Variants in EVI5 observed in about 807,000 individuals in gnomAD.
EVI5 encodes the protein ecotropic viral integration site 5 protein homolog.
In EVI5, 73 loss-of-function variants were observed where a neutral mutation model predicts 112.0. The observed-to-expected ratio is 0.65, with a 90% confidence interval of 0.54 to 0.79. EVI5 has a LOEUF of 0.79. EVI5 is among the 30% of genes least tolerant of loss of function. The probability of loss-of-function intolerance (pLI) is 0.00; values close to 1 mark genes in which losing one functional copy is unlikely to be tolerated. For missense variants in EVI5, 900 were observed against 968.8 expected (o/e 0.93, Z 0.94); for synonymous variants, 305 against 319.9 (o/e 0.95, Z 0.50).
chr1:92,725,252 A>G (rs529552442), intron 2 of EVI5, among the ~76,000 whole-genome samples: 1 of 152,204 alleles, frequency 6.6e-6, no homozygotes, highest in Non-Finnish European at 1.5e-5. Context: ...ACATTCACAC[A>G]TGGTAGAAAA....
intron 18 of EVI5, among the ~76,000 whole-genome samples, chr1:92,596,685 C>G (rs936425894): frequency 6.6e-6 from 1 of 152,120 alleles, no homozygotes; most frequent in Non-Finnish European, 1.5e-5. Context: ...TTCTTGAACT[C>G]TTGACCTCAA....
intron 6 of EVI5, 124 bp from the exon 7 acceptor site, chr1:92,695,577 G>A (rs1206273534): frequency 1.9e-5 from 10 of 522,930 alleles, no homozygotes; most frequent in Admixed American, 3.9e-5. Flanking sequence ...GAAAAGGTAA[G>A]ACATAGACAT....
At position 92,697,094 on chromosome 1, in the gene EVI5, C is replaced by G. The variant is rs774813793; in HGVS notation, c.765+766G>C. Among the ~76,000 whole-genome samples, 12 of 151,888 alleles carry G rather than the reference C, an allele frequency of 7.9e-5. No homozygotes were observed. In the South Asian group the frequency reaches 1.7e-3, roughly 21 times the overall value. On this transcript the variant is annotated intron_variant, in intron 6 of 19. Transcript: ENST00000684568. ...AAAATATAAGAACATTTTACATATC[C>G]CCTTGCTCCCACCACAGATGGGAAA...
chr1:92,582,973 C>T (rs2101108086), intron 18 of EVI5, among the ~76,000 whole-genome samples: 1 of 152,198 alleles, frequency 6.6e-6, no homozygotes. Flanking sequence ...ATGCATGTAA[C>T]ATATATACAT....
chr1:92,521,843 C>T (rs890952946), intron 19 of EVI5, among the ~76,000 whole-genome samples: 3 of 152,068 alleles, frequency 2.0e-5, no homozygotes, highest in Non-Finnish European at 1.5e-5. Flanking sequence ...AATGGTCTTC[C>T]ATATAATTTT....
At position 92,593,052 on chromosome 1, in the gene EVI5, C is replaced by T. The variant is rs904564608; in HGVS notation, c.2070+12255G>A. ...TCCAATCAATAGAAAAAGAGGGAAT[C>T]CTCCCTAACTCATTTTATGAGGCCA... On this transcript the variant is annotated intron_variant, in intron 18 of 19. Transcript: ENST00000684568. Among the ~76,000 whole-genome samples the T allele has an allele frequency of 5.3e-5, 8 of 152,226 alleles. No individual in the cohort carries two copies. In the South Asian group the frequency reaches 1.2e-3, roughly 24 times the overall value.
At chr1:92,788,506 A>AAAAC (rs1558266152), upstream of EVI5, among the ~76,000 whole-genome samples, 245 of 150,210 alleles carry the variant, frequency 1.6e-3, 1 homozygote, top group African/African-American at 5.9e-3. Flanking sequence ...CAAAACAAAA[A>AAAAC]AAAAACTAGG....
chr1:92,765,846 C>CG (rs1217059817), intron 1 of EVI5, among the ~76,000 whole-genome samples: 2 of 151,886 alleles, frequency 1.3e-5, no homozygotes, highest in East Asian at 3.9e-4. Flanking sequence ...GAAGCCAAGG[C>CG]GGGAGGGTCG....
intron 19 of EVI5, among the ~76,000 whole-genome samples, chr1:92,561,631 ATCT>A (rs1668629587): frequency 2.7e-5 from 4 of 146,088 alleles, no homozygotes. Context: ...CTATCTATCT[ATCT>A]ATCTATCTAT....
upstream of EVI5, among the ~76,000 whole-genome samples, chr1:92,785,337 C>T (rs4847363): frequency 0.9 from 137,660 of 152,232 alleles, 62,340 homozygotes; most frequent in South Asian, 0.97. Flanking sequence ...CCGCCCCTTC[C>T]ATGTTAAAAC....
intron 19 of EVI5, among the ~76,000 whole-genome samples, chr1:92,534,220 C>A (rs987380493): frequency 3.3e-5 from 5 of 152,142 alleles, no homozygotes; most frequent in African/African-American, 1.2e-4. Flanking sequence ...ATACAACTTA[C>A]AAGGGATGTG....
At chr1:92,774,264 C>G (rs1683827055) in intron 1 of EVI5, among the ~76,000 whole-genome samples, 1 of 152,094 alleles carries the variant, frequency 6.6e-6, no homozygotes. Context: ...TTCTGGTATG[C>G]CTGAAGATAT....
chr1:92,774,339 C>T (rs1172032270), intron 1 of EVI5, among the ~76,000 whole-genome samples: 1 of 152,108 alleles, frequency 6.6e-6, no homozygotes, highest in Non-Finnish European at 1.5e-5. Context: ...ATCATTAAAG[C>T]TACACTTTTA....
chr1:92,557,382 T>C (rs1369268829), intron 19 of EVI5, among the ~76,000 whole-genome samples: 1 of 151,634 alleles, frequency 6.6e-6, no homozygotes, highest in Non-Finnish European at 1.5e-5. Context: ...CTCCCAGGTT[T>C]AAGCCATTCT....
intron 2 of EVI5, among the ~76,000 whole-genome samples, chr1:92,724,311 G>A (rs1269839974): frequency 2.0e-5 from 3 of 151,930 alleles, no homozygotes; most frequent in Non-Finnish European, 4.4e-5. Context: ...CAGACCGGCC[G>A]ACACTTAGGG....
intron 18 of EVI5, among the ~76,000 whole-genome samples, chr1:92,578,601 C>T (rs369586365): frequency 2.0e-5 from 3 of 151,742 alleles, no homozygotes; most frequent in Non-Finnish European, 4.4e-5. Flanking sequence ...GCCTGTAGTC[C>T]CAGCTACTCG....
intron 18 of EVI5, among the ~76,000 whole-genome samples, chr1:92,577,280 C>T (rs775264495): frequency 7.2e-5 from 11 of 152,190 alleles, no homozygotes; most frequent in Non-Finnish European, 1.6e-4. Context: ...AGGATCCTGC[C>T]CATTTCTCCT....
intron 2 of EVI5, among the ~76,000 whole-genome samples, chr1:92,714,414 G>C (rs1210208427): frequency 1.3e-5 from 2 of 152,132 alleles, no homozygotes; most frequent in African/African-American, 4.8e-5. Flanking sequence ...AGTGTAAGTT[G>C]TATCTCATAA....
chr1:92,624,105 G>T, intron 16 of EVI5, 71 bp downstream of exon 16: 1 of 1,322,428 alleles, frequency 7.6e-7, no homozygotes, highest in South Asian at 1.2e-5. Flanking sequence ...TTCTAGGGAT[G>T]ATACAATCTG....
Sources: allele counts gnomAD v4.1 joint callset (sites outside exome capture counted in the v4.1 genomes callset), GRCh38; gene constraint gnomAD v4.1.1; transcripts MANE v1.5; gene names NCBI Gene and HGNC (gene_info 2026-07-23, HGNC 2026-07-21).